The following OLFM2 variants were observed in gnomAD, a reference collection of about 807,000 sequenced individuals.
OLFM2 encodes the protein olfactomedin 2.
OLFM2 carries 20 observed loss-of-function variants against 43.9 expected under a neutral mutation model. The ratio of observed to expected loss-of-function variants is 0.46; its 90% confidence interval spans 0.32 to 0.66. The LOEUF (loss-of-function observed/expected upper bound fraction) is 0.66. OLFM2 is among the 30% of genes least tolerant of loss of function. The probability of loss-of-function intolerance (pLI) is 0.04; values close to 1 mark genes in which losing one functional copy is unlikely to be tolerated. For synonymous variants in OLFM2, 268 were observed against 278.6 expected (o/e 0.96, Z 0.38); for missense variants, 416 against 643.6 (o/e 0.65, Z 3.83).
chr19:9,930,794 A>G (rs565543488), intron 1 of OLFM2, among the ~76,000 whole-genome samples: 107 of 152,186 alleles, frequency 7.0e-4, no homozygotes, highest in Non-Finnish European at 8.1e-4. Context: ...CAGAGATTGC[A>G]GTGAGCCGAA....
chr19:9,930,047 A>G (rs10426134), intron 1 of OLFM2, among the ~76,000 whole-genome samples: 42,544 of 151,936 alleles, frequency 0.28, 6,902 homozygotes, highest in African/African-American at 0.45. Flanking sequence ...CTCAAAAAAA[A>G]AAAGAAAGAA....
intron 1 of OLFM2, among the ~76,000 whole-genome samples, chr19:9,869,303 T>G (rs1265335652): frequency 6.6e-6 from 1 of 152,194 alleles, no homozygotes; most frequent in East Asian, 1.9e-4. Context: ...ATCCTTACGA[T>G]AGAAGTGACT....
intron 1 of OLFM2, among the ~76,000 whole-genome samples, chr19:9,930,025 G>A (rs2145011257): frequency 6.6e-6 from 1 of 152,080 alleles, no homozygotes; most frequent in South Asian, 2.1e-4. Flanking sequence ...GGCAACAAGA[G>A]CGAAACTCCA....
intron 1 of OLFM2, among the ~76,000 whole-genome samples, chr19:9,908,311 TTTTC>T (rs2046799780): frequency 6.6e-6 from 1 of 151,544 alleles, no homozygotes; most frequent in South Asian, 2.1e-4. Context: ...TTTTTCCTCT[TTTTC>T]TTTTTTTTGA....
intron 1 of OLFM2, among the ~76,000 whole-genome samples, chr19:9,890,155 G>A (rs952812302): frequency 6.6e-6 from 1 of 152,072 alleles, no homozygotes; most frequent in African/African-American, 2.4e-5. Context: ...CGGGGAAGGC[G>A]CTGGGCTGGT....
chr19:9,923,164 GT>G (rs1446934553), intron 1 of OLFM2, among the ~76,000 whole-genome samples: 4 of 152,068 alleles, frequency 2.6e-5, no homozygotes, highest in African/African-American at 9.7e-5. Flanking sequence ...TTGCCTACTT[GT>G]TGCAATTTGT....
intron 1 of OLFM2, among the ~76,000 whole-genome samples, chr19:9,890,324 A>C (rs1039999834): frequency 6.6e-6 from 1 of 152,132 alleles, no homozygotes; most frequent in African/African-American, 2.4e-5. Context: ...CTCAACAGAG[A>C]CAGGGAGATC....
chr19:9,922,093 C>CAAAA (rs551625851), intron 1 of OLFM2, among the ~76,000 whole-genome samples: 1 of 80,696 alleles, frequency 1.2e-5, no homozygotes, highest in Non-Finnish European at 2.7e-5. Context: ...GACCCTGTCT[C>CAAAA]AAAAAAAAAA....
At chr19:9,924,433 A>T (rs1329145885) in intron 1 of OLFM2, among the ~76,000 whole-genome samples, 3 of 136,448 alleles carry the variant, frequency 2.2e-5, no homozygotes, top group Admixed American at 7.2e-5. Flanking sequence ...AAAAAAAAAA[A>T]TTGTTTTTGA....
chr19:9,932,478 AAG>A (rs1462454937), intron 1 of OLFM2, among the ~76,000 whole-genome samples: 1 of 151,358 alleles, frequency 6.6e-6, no homozygotes, highest in African/African-American at 2.4e-5. Flanking sequence ...AAAAGAAAGA[AAG>A]AGAGAGAAAG....
chr19:9,934,517 A>G (rs2086504309), intron 1 of OLFM2, among the ~76,000 whole-genome samples: 1 of 151,122 alleles, frequency 6.6e-6, no homozygotes, highest in Non-Finnish European at 1.5e-5. Flanking sequence ...CCTAGCAGGG[A>G]GTGGAGGAGA....
At chr19:9,877,975 C>T (rs1380658041) in intron 1 of OLFM2, among the ~76,000 whole-genome samples, 1 of 152,106 alleles carries the variant, frequency 6.6e-6, no homozygotes, top group East Asian at 1.9e-4. Context: ...GCCTTAGCCT[C>T]CTGAGTAGCT....
At chr19:9,903,981 G>T (rs1452795879) in intron 1 of OLFM2, among the ~76,000 whole-genome samples, 2 of 152,070 alleles carry the variant, frequency 1.3e-5, no homozygotes, top group Admixed American at 1.3e-4. Context: ...TATACTGAAG[G>T]CCACATCACT....
At chr19:9,881,957 C>T (rs1021443813) in intron 1 of OLFM2, among the ~76,000 whole-genome samples, 2 of 152,146 alleles carry the variant, frequency 1.3e-5, no homozygotes, top group Non-Finnish European at 2.9e-5. Flanking sequence ...ATGGGCTGGG[C>T]GTGGTGGCTC....
chr19:9,912,269 A>G (rs772089514), intron 1 of OLFM2, among the ~76,000 whole-genome samples: 1 of 151,284 alleles, frequency 6.6e-6, no homozygotes, highest in African/African-American at 2.4e-5. Context: ...GCCCAATACC[A>G]CCCCCACCAG....
intron 1 of OLFM2, among the ~76,000 whole-genome samples, chr19:9,908,180 C>T (rs560112190): frequency 4.6e-5 from 7 of 152,234 alleles, no homozygotes; most frequent in South Asian, 2.1e-4. Flanking sequence ...ACATGCCAGG[C>T]GTGGTGCGAT....
chr19:9,891,869 G>A (rs901824950), intron 1 of OLFM2, among the ~76,000 whole-genome samples: 1 of 152,196 alleles, frequency 6.6e-6, no homozygotes, highest in Non-Finnish European at 1.5e-5. Flanking sequence ...GAACACACAT[G>A]AGCAGGTAGC....
intron 1 of OLFM2, among the ~76,000 whole-genome samples, chr19:9,920,151 T>A (rs1262139111): frequency 1.3e-5 from 2 of 151,964 alleles, no homozygotes; most frequent in African/African-American, 2.4e-5. Context: ...TGGTGGCATG[T>A]CCCTGTAGTA....
intron 1 of OLFM2, among the ~76,000 whole-genome samples, chr19:9,919,309 G>GCCTCTGGAGTA (rs2086405249): frequency 6.6e-6 from 1 of 152,054 alleles, no homozygotes. Flanking sequence ...TGGGGCTACA[G>GCCTCTGGAGTA]GCGCCTACCA....
Sources: allele counts gnomAD v4.1 joint callset (sites outside exome capture counted in the v4.1 genomes callset), GRCh38; gene constraint gnomAD v4.1.1; transcripts MANE v1.5; gene names NCBI Gene and HGNC (gene_info 2026-07-23, HGNC 2026-07-21).